CSMD1: variants seen among roughly 807,000 people sequenced by gnomAD.
CSMD1 encodes the protein CUB and Sushi multiple domains 1, also known as CUB and sushi domain-containing protein 1.
Under a neutral mutation model 417.5 loss-of-function variants are expected in CSMD1, and 213 were observed. The ratio of observed to expected loss-of-function variants is 0.51; its 90% CI spans 0.46 to 0.57. The LOEUF is 0.57. Ranked by LOEUF, CSMD1 falls within the 20% of genes least tolerant of loss-of-function variation. The probability of loss-of-function intolerance (pLI) is 0.00; values close to 1 mark genes in which losing one functional copy is unlikely to be tolerated. For synonymous variants in CSMD1, 2,862 were observed against 1,736.8 expected (o/e 1.65, Z -16.11); for missense variants, 6,923 against 4,529.7 (o/e 1.53, Z -15.17).
At position 4,287,306 on chromosome 8, in the gene CSMD1, A is replaced by T. The variant is rs186937093; in HGVS notation, c.415+132647T>A. 5.3e-5 allele frequency among the ~76,000 whole-genome samples: 8 copies of T among 152,330 alleles called. No homozygotes were observed. The East Asian group carries it at 1.5e-3, about 29-fold the overall frequency. On this transcript the variant is annotated intron_variant, in intron 3 of 69. Transcript: ENST00000635120. The stretch of plus-strand genomic sequence containing the variant: ...TTTTTGTGTAACTCTTTATTTTCAG[A>T]TAAATCAAGCACATCTGGAGAAGTT...
intron 9 of CSMD1, 27 bp downstream of exon 9, chr8:3,586,109 A>C: frequency 6.2e-7 from 1 of 1,600,364 alleles, no homozygotes; most frequent in South Asian, 1.1e-5. Context: ...GAGATAATCC[A>C]GGCTTTACCC....
At chr8:3,787,919 T>C (rs1478719596) in intron 5 of CSMD1, among the ~76,000 whole-genome samples, 4 of 152,124 alleles carry the variant, frequency 2.6e-5, no homozygotes, top group Admixed American at 2.0e-4. Flanking sequence ...ATCTCTGTAG[T>C]TGTGAGGGGA....
chr8:4,818,288 A>T (rs1029312695), intron 1 of CSMD1, among the ~76,000 whole-genome samples: 3 of 152,166 alleles, frequency 2.0e-5, no homozygotes, highest in Non-Finnish European at 4.4e-5. Context: ...TTAGTCTAGA[A>T]AAGCTCGATG....
intron 52 of CSMD1, among the ~76,000 whole-genome samples, chr8:3,016,842 C>A (rs530362448): frequency 6.6e-6 from 1 of 152,178 alleles, no homozygotes; most frequent in African/African-American, 2.4e-5. Context: ...AGCACTGAGA[C>A]ATGTTTGGGG....
chr8:3,955,193 T>A (rs1811858998), intron 5 of CSMD1, among the ~76,000 whole-genome samples: 1 of 152,162 alleles, frequency 6.6e-6, no homozygotes. Flanking sequence ...CGTGACCACG[T>A]GCAGAGCACC....
chr8:4,863,250 T>C (rs1802238422), intron 1 of CSMD1, among the ~76,000 whole-genome samples: 2 of 152,142 alleles, frequency 1.3e-5, no homozygotes, highest in African/African-American at 4.8e-5. Flanking sequence ...TTTTGAGAAT[T>C]ATCTGAGAAT....
chr8:4,087,156 C>T (rs1585285406), intron 3 of CSMD1, among the ~76,000 whole-genome samples: 1 of 152,068 alleles, frequency 6.6e-6, no homozygotes, highest in Non-Finnish European at 1.5e-5. Flanking sequence ...GAACAAAGAC[C>T]CACTCTTCTC....
chr8:4,886,420 A>T (rs534676876), intron 1 of CSMD1, among the ~76,000 whole-genome samples: 74 of 152,030 alleles, frequency 4.9e-4, no homozygotes, highest in Admixed American at 4.8e-3. Context: ...TTTGTTGAGG[A>T]AATTTGCATC....
chr8:3,819,214 G>C (rs911558105), intron 5 of CSMD1, among the ~76,000 whole-genome samples: 2 of 152,102 alleles, frequency 1.3e-5, no homozygotes, highest in Non-Finnish European at 2.9e-5. Context: ...TAACACTATG[G>C]ACAACCCTCT....
intron 2 of CSMD1, among the ~76,000 whole-genome samples, chr8:4,479,096 G>A (rs1003440834): frequency 1.3e-5 from 2 of 152,104 alleles, no homozygotes; most frequent in East Asian, 1.9e-4. Flanking sequence ...ATAAGACACA[G>A]TTATATCTAT....
At chr8:4,119,925 A>G (rs749663234) in intron 3 of CSMD1, among the ~76,000 whole-genome samples, 1 of 148,140 alleles carries the variant, frequency 6.8e-6, no homozygotes, top group South Asian at 2.2e-4. Context: ...GGAGGGTGAG[A>G]GGAGCTGGGG....
intron 4 of CSMD1, among the ~76,000 whole-genome samples, chr8:4,030,684 C>A: frequency 6.6e-6 from 1 of 152,314 alleles, no homozygotes; most frequent in East Asian, 1.9e-4. Flanking sequence ...CTTCTTGTTA[C>A]TTATACAAAT....
intron 3 of CSMD1, among the ~76,000 whole-genome samples, chr8:4,242,158 A>T (rs1190343724): frequency 6.6e-6 from 1 of 152,222 alleles, no homozygotes; most frequent in African/African-American, 2.4e-5. Context: ...CCACCAAATT[A>T]GACATCCTTC....
At chr8:4,026,390 G>C (rs1391519674) in intron 4 of CSMD1, among the ~76,000 whole-genome samples, 1 of 152,180 alleles carries the variant, frequency 6.6e-6, no homozygotes, top group African/African-American at 2.4e-5. Flanking sequence ...ATCTCATTGG[G>C]ATTTACCACA....
intron 2 of CSMD1, among the ~76,000 whole-genome samples, chr8:4,599,351 T>C (rs1212533916): frequency 6.6e-6 from 1 of 152,020 alleles, no homozygotes; most frequent in Non-Finnish European, 1.5e-5. Flanking sequence ...AATAGCATGG[T>C]CACCCTGGAA....
intron 1 of CSMD1, among the ~76,000 whole-genome samples, chr8:4,926,125 G>A (rs1373846880): frequency 6.6e-6 from 1 of 152,072 alleles, no homozygotes; most frequent in Non-Finnish European, 1.5e-5. Flanking sequence ...TATCAATGCC[G>A]ATATTCATGA....
chr8:4,151,796 T>C (rs532384293), intron 3 of CSMD1, among the ~76,000 whole-genome samples: 21 of 152,362 alleles, frequency 1.4e-4, no homozygotes, highest in Admixed American at 4.6e-4. Flanking sequence ...TTATTTTATA[T>C]GAAAAATAAT....
intron 5 of CSMD1, among the ~76,000 whole-genome samples, chr8:3,924,410 C>T (rs1477241269): frequency 6.6e-6 from 1 of 152,126 alleles, no homozygotes; most frequent in East Asian, 1.9e-4. Context: ...CATTCATTTC[C>T]CTCTCCAGAT....
At chr8:3,867,730 T>C (rs2129109859) in intron 5 of CSMD1, among the ~76,000 whole-genome samples, 1 of 152,126 alleles carries the variant, frequency 6.6e-6, no homozygotes, top group East Asian at 1.9e-4. Flanking sequence ...TAATAGCTGC[T>C]TATGCAAACA....
Sources: allele counts gnomAD v4.1 joint callset (sites outside exome capture counted in the v4.1 genomes callset), GRCh38; gene constraint gnomAD v4.1.1; transcripts MANE v1.5; gene names NCBI Gene and HGNC (gene_info 2026-07-23, HGNC 2026-07-21).